Variants in KIF6 observed in about 807,000 individuals in gnomAD.
The protein encoded by KIF6 is kinesin-like protein KIF6.
KIF6 carries 106 observed loss-of-function variants against 112.7 expected under a neutral mutation model. The observed-to-expected ratio is 0.94, with a 90% CI of 0.80 to 1.11. The LOEUF (loss-of-function observed/expected upper bound fraction) is 1.11. KIF6 is among the 50% of genes least tolerant of loss of function. The pLI is 0.00. For missense variants in KIF6, 929 were observed against 964.0 expected, an observed-to-expected ratio of 0.96 and a Z score of 0.48; for synonymous variants, 339 against 339.9, an observed-to-expected ratio of 1.00 and a Z score of 0.03.
In KIF6 at chr6:39,470,121, T is replaced by C. The variant is rs1241251587; in HGVS notation, c.1646-38960A>G. Among the ~76,000 whole-genome samples the C allele has an allele frequency of 2.6e-5, 4 of 151,922 alleles. No homozygotes were observed. In the East Asian group the frequency reaches 7.7e-4, roughly 29 times the overall value. ...CAAAGTATGTTCTTCCATCACAGAA[T>C]GGTGGGAGGGAGGGCCAAAGTGGAT... On this transcript the variant is annotated intron_variant, in intron 13 of 22. Transcript: ENST00000287152.
intron 6 of KIF6, among the ~76,000 whole-genome samples, chr6:39,597,218 A>T (rs1782325074): frequency 6.6e-6 from 1 of 152,244 alleles, no homozygotes; most frequent in East Asian, 1.9e-4. Flanking sequence ...AGACAAATTG[A>T]TCCTAAATGG....
intron 15 of KIF6, among the ~76,000 whole-genome samples, chr6:39,417,712 A>G (rs1770023131): frequency 7.3e-6 from 1 of 137,482 alleles, no homozygotes. Flanking sequence ...GTTATGGGGA[A>G]TTTGTAGTTA....
chr6:39,648,695 C>T (rs921900463), intron 3 of KIF6, among the ~76,000 whole-genome samples: 1 of 152,202 alleles, frequency 6.6e-6, no homozygotes, highest in African/African-American at 2.4e-5. Context: ...GAAAGCAGGG[C>T]TGCATCACTG....
intron 2 of KIF6, among the ~76,000 whole-genome samples, chr6:39,718,824 G>A (rs1005989100): frequency 6.6e-6 from 1 of 151,960 alleles, no homozygotes; most frequent in Non-Finnish European, 1.5e-5. Flanking sequence ...ACAATGGGGA[G>A]ACATAAAGAC....
At chr6:39,676,406 A>G (rs1787142505) in intron 3 of KIF6, among the ~76,000 whole-genome samples, 1 of 152,154 alleles carries the variant, frequency 6.6e-6, no homozygotes. Flanking sequence ...AAATAATGAA[A>G]GAGTTAATCA....
intron 13 of KIF6, among the ~76,000 whole-genome samples, chr6:39,449,848 T>C (rs1448688949): frequency 3.3e-5 from 5 of 152,210 alleles, no homozygotes; most frequent in Non-Finnish European, 5.9e-5. Context: ...TTTTCCTCTC[T>C]GCCCCCACAA....
chr6:39,533,368 A>G (rs1368437163), intron 13 of KIF6, among the ~76,000 whole-genome samples: 1 of 152,232 alleles, frequency 6.6e-6, no homozygotes, highest in Non-Finnish European at 1.5e-5. Context: ...TATCCTGCAC[A>G]TGGCTTGGAG....
intron 3 of KIF6, among the ~76,000 whole-genome samples, chr6:39,709,772 A>C (rs1789430831): frequency 6.6e-6 from 1 of 152,156 alleles, no homozygotes; most frequent in Non-Finnish European, 1.5e-5. Flanking sequence ...AAGTGGTCAG[A>C]TTTTATGTTG....
intron 13 of KIF6, among the ~76,000 whole-genome samples, chr6:39,471,126 G>C (rs1774093974): frequency 6.6e-6 from 1 of 152,148 alleles, no homozygotes; most frequent in Non-Finnish European, 1.5e-5. Flanking sequence ...CTCTCTGCTA[G>C]GTTTTCATTT....
At chr6:39,432,820 T>A (rs1031375182) in intron 13 of KIF6, among the ~76,000 whole-genome samples, 1 of 151,974 alleles carries the variant, frequency 6.6e-6, no homozygotes. Context: ...CATAATAAAA[T>A]AATAACAGAC....
chr6:39,659,119 C>T (rs145265141), intron 3 of KIF6, among the ~76,000 whole-genome samples: 63 of 152,164 alleles, frequency 4.1e-4, no homozygotes, highest in African/African-American at 1.1e-3. Flanking sequence ...AAATTTAAAC[C>T]GGAAAACTGG....
chr6:39,516,267 A>C (rs531239292), intron 13 of KIF6, among the ~76,000 whole-genome samples: 9 of 151,872 alleles, frequency 5.9e-5, no homozygotes, highest in African/African-American at 1.9e-4. Flanking sequence ...ATCCAGATAC[A>C]GTCACATAAA....
chr6:39,402,871 G>C (rs1280453454), intron 15 of KIF6, among the ~76,000 whole-genome samples: 1 of 152,080 alleles, frequency 6.6e-6, no homozygotes, highest in Non-Finnish European at 1.5e-5. Flanking sequence ...TGAGACCAAG[G>C]CTTTCTGCCC....
chr6:39,683,002 G>C (rs932712010), intron 3 of KIF6, among the ~76,000 whole-genome samples: 2 of 152,254 alleles, frequency 1.3e-5, no homozygotes, highest in Admixed American at 6.5e-5. Flanking sequence ...CAAAGGGCAA[G>C]AACAATCTTG....
At chr6:39,382,365 T>G (rs897086761) in intron 16 of KIF6, among the ~76,000 whole-genome samples, 1 of 152,206 alleles carries the variant, frequency 6.6e-6, no homozygotes, top group Non-Finnish European at 1.5e-5. Flanking sequence ...TTTCCATCTT[T>G]ATGTCTGTGT....
rs148370916 is a variant in KIF6 at position 39,338,038 on chromosome 6, T to C, written c.2429-1490A>G. Among the ~76,000 whole-genome samples, 556 of 152,350 alleles carry C rather than the reference T, an allele frequency of 3.6e-3. 7 individuals carry two copies. The highest frequency in any genetic ancestry group is 0.012 in the African/African-American group (515 of 41,588). ...AGAATCTACAGTTTGACAAAACCTG[T>C]CGATTCATTAGCACATTAAAATGTG... On this transcript the variant is annotated intron_variant, in intron 22 of 22. Transcript: ENST00000287152.
chr6:39,341,359 C>G (rs1335988284), intron 22 of KIF6, among the ~76,000 whole-genome samples: 3 of 152,166 alleles, frequency 2.0e-5, no homozygotes, highest in East Asian at 3.9e-4. Context: ...CCAGCTTGTG[C>G]CTGAGGCCAT....
rs1485591348 is a variant in KIF6 at position 39,336,367 on chromosome 6, G to T, written c.*165C>A. On this transcript the variant is annotated 3_prime_UTR_variant, in exon 23 of 23. Transcript: ENST00000287152. The stretch of plus-strand genomic sequence containing the variant: ...GCCCCAGCCTCTCGGTGGCCTCCAG[G>T]TCAGCATCCTTAAAGAAACACAGTC... 1.5e-6 allele frequency: 1 copy of T among 678,118 alleles called. No individual in the cohort carries two copies. Among genetic ancestry groups the T allele is most frequent in the Admixed American group, 2.4e-5 (1 of 41,306 alleles). The allele number at this position is 678,118 out of a possible 1,614,324, so 42.0% of individuals were successfully genotyped here.
chr6:39,548,881 T>A (rs1184172021), intron 10 of KIF6, among the ~76,000 whole-genome samples: 1 of 152,176 alleles, frequency 6.6e-6, no homozygotes, highest in Non-Finnish European at 1.5e-5. Flanking sequence ...CTTTCCTTAT[T>A]CTCTACTTAC....
Sources: allele counts gnomAD v4.1 joint callset (sites outside exome capture counted in the v4.1 genomes callset), GRCh38; gene constraint gnomAD v4.1.1; transcripts MANE v1.5; gene names NCBI Gene and HGNC (gene_info 2026-07-23, HGNC 2026-07-21).